Variants in MAFK observed in about 807,000 individuals in gnomAD.
MAFK encodes the protein transcription factor MafK.
Under a neutral mutation model 9.2 loss-of-function variants are expected in MAFK, and 1 was observed. That is an observed-to-expected ratio of 0.11 (90% CI 0.04 to 0.52). The LOEUF (loss-of-function observed/expected upper bound fraction) is 0.52. MAFK is among the 20% of genes least tolerant of loss of function. MAFK has a pLI of 0.94. For missense variants in MAFK, 207 were observed against 236.0 expected (o/e 0.88, Z 0.81); for synonymous variants, 110 against 107.4 (o/e 1.02, Z -0.15).
At chr7:1,539,277 G>A (rs563016706) in intron 2 of MAFK, 49 bp downstream of exon 2, 3 of 1,498,892 alleles carry the variant, frequency 2.0e-6, no homozygotes, top group Non-Finnish European at 2.8e-6. Flanking sequence ...GCGTGGGAAA[G>A]GCCCCCGGCC....
In MAFK at chr7:1,540,652, G is replaced by T. The variant is rs891717407; in HGVS notation, c.*277G>T. ...GTGTGGGAATTGGTATCTTGCACCC[G>T]TGGGAGTCGGGACATATAATGGAAA... On this transcript the variant is annotated 3_prime_UTR_variant, in exon 3 of 3. Coordinates refer to ENST00000343242, the MANE Select transcript of MAFK (RefSeq NM_002360.4). 2.2e-6 allele frequency: 1 copy of T among 460,516 alleles called. No individual in the cohort carries two copies. The highest frequency in any genetic ancestry group is 3.9e-6 in the Non-Finnish European group (1 of 259,020). 28.5% of individuals were successfully genotyped at this position (460,516 alleles called of 1,614,324 possible).
chr7:1,539,253 C>G lies in MAFK; in HGVS notation c.36+25C>G, dbSNP rs763501792. 5 of 1,597,874 alleles carry G rather than the reference C, an allele frequency of 3.1e-6. No individual in the cohort carries two copies. The African/African-American group carries it at 5.4e-5, about 17-fold the overall frequency. Reference sequence around the variant, plus strand: ...GGTAAGGCTGGTTCCAAGCAGGCCCCGTCTCAAGCACAGGCGTGGGAAAGG... The same window carrying G: ...GGTAAGGCTGGTTCCAAGCAGGCCCGGTCTCAAGCACAGGCGTGGGAAAGG... On this transcript the variant is annotated intron_variant, in intron 2 of 2. Transcript: ENST00000343242.
Position 1,539,969 on chromosome 7 carries a change from C to T in MAFK, c.65C>T (p.Pro22Leu), listed in dbSNP as rs886534216. ...KVKKEAGENA[P>L]VLSDDELVSM... ...AAGAAGGAGGCGGGCGAGAACGCCC[C>T]GGTGCTCAGCGATGATGAGCTGGTG... Residue 22 changes from proline to leucine, a missense_variant, in exon 3 of 3, where the codon CCG becomes CTG. By Grantham distance (98) the Pro-to-Leu change is moderately conservative. Transcript: ENST00000343242. The T allele has an allele frequency of 9.7e-6, 15 of 1,546,302 alleles. No individual in the cohort carries two copies. Among genetic ancestry groups the T allele is most frequent in the Admixed American group, 3.9e-5 (2 of 51,086 alleles).
intron 1 of MAFK, among the ~76,000 whole-genome samples, chr7:1,531,148 C>G (rs1482322810): frequency 1.3e-5 from 2 of 149,222 alleles, no homozygotes; most frequent in Non-Finnish European, 3.0e-5. Context: ...CACGTGCCGC[C>G]CGGGCCATGC....
chr7:1,533,504 T>A (rs1783954785), intron 1 of MAFK, among the ~76,000 whole-genome samples: 1 of 151,992 alleles, frequency 6.6e-6, no homozygotes. Flanking sequence ...TCTCTGCAGA[T>A]GGTGATCAGA....
chr7:1,531,187 AC>A (rs1167144665), intron 1 of MAFK, among the ~76,000 whole-genome samples: 1 of 146,828 alleles, frequency 6.8e-6, no homozygotes, highest in African/African-American at 2.5e-5. Flanking sequence ...CAGGGCGCGG[AC>A]CCCAGACCTG....
In MAFK at chr7:1,534,381, G is replaced by A. The variant is rs1783976429; in HGVS notation, c.-45+3483G>A. On this transcript the variant is annotated intron_variant, in intron 1 of 2. Coordinates refer to ENST00000343242, the MANE Select transcript of MAFK (RefSeq NM_002360.4). This position sits in a 1 kb window ranked among gnomAD's most constrained non-coding sequence, Gnocchi z 4.3. ...TTGCGGCCCAGTGTGGAGGGCACCCGGCTTGGGGTCTCTGGCAGAAAGGCT... is the reference window on the plus strand; with the variant it reads ...TTGCGGCCCAGTGTGGAGGGCACCCAGCTTGGGGTCTCTGGCAGAAAGGCT... The A allele has an allele frequency of 4.5e-6, 2 of 444,490 alleles. No homozygotes were observed. Among genetic ancestry groups the A allele is most frequent in the South Asian group, 1.6e-5 (1 of 64,318 alleles). 27.5% of individuals were successfully genotyped at this position (444,490 alleles called of 1,614,324 possible).
At chr7:1,537,290 C>A (rs1163928909) in intron 1 of MAFK, 2 of 796,016 alleles carry the variant, frequency 2.5e-6, no homozygotes, top group African/African-American at 3.7e-5. Context: ...CCCGGGGGCC[C>A]AGGAGCGGGT....
In MAFK at chr7:1,532,692, G is replaced by T. The variant is rs1022428303; in HGVS notation, c.-45+1794G>T. ...CGGGCCACTTCGCTGTCTACAAGGC[G>T]TGTGCTTTCACCCACGGGGCTCAGC... is the stretch of plus-strand genomic sequence containing the variant. On this transcript the variant is annotated intron_variant, in intron 1 of 2. Coordinates refer to ENST00000343242, the MANE Select transcript of MAFK (RefSeq NM_002360.4). The surrounding 1 kb of genome is among the most constrained non-coding windows in gnomAD (Gnocchi z 4.5). 2.0e-5 allele frequency among the ~76,000 whole-genome samples: 3 copies of T among 152,214 alleles called. No homozygotes were observed. Among genetic ancestry groups the T allele is most frequent in the African/African-American group, 7.2e-5 (3 of 41,442 alleles).
intron 1 of MAFK, among the ~76,000 whole-genome samples, chr7:1,531,435 G>A (rs955381607): frequency 2.6e-5 from 4 of 152,198 alleles, no homozygotes; most frequent in Admixed American, 2.0e-4. Flanking sequence ...GCGTGCCCGG[G>A]AACGGGGTGG....
At chr7:1,533,708 G>C (rs1036447645) in intron 1 of MAFK, among the ~76,000 whole-genome samples, 9 of 152,068 alleles carry the variant, frequency 5.9e-5, no homozygotes, top group African/African-American at 2.2e-4. Flanking sequence ...GGTGATGCTT[G>C]AGGGCTGGGA....
chr7:1,539,945 A>G lies in MAFK; in HGVS notation c.41A>G (p.Lys14Arg), dbSNP rs1215242463. The G allele has an allele frequency of 1.3e-6, 2 of 1,526,834 alleles. No homozygotes were observed. The highest frequency in any genetic ancestry group is 1.8e-6 in the Non-Finnish European group (2 of 1,132,268). The allele number at this position is 1,526,834 out of a possible 1,614,324, so 94.6% of individuals were successfully genotyped here. Residue 14 changes from lysine to arginine, a missense_variant, in exon 3 of 3, where the codon AAG becomes AGG. Lys to Arg is a conservative substitution (Grantham distance 26, BLOSUM62 2). Transcript: ENST00000343242. ...NPKPNKALKVKKEAGENAPVL... is the reference protein window; with the variant it reads ...NPKPNKALKVRKEAGENAPVL... ...CCCCGCACTGTGGCCCCCCAGGTCA[A>G]GAAGGAGGCGGGCGAGAACGCCCCG...
chr7:1,539,101 T>A, intron 1 of MAFK, 48 bp from the exon 2 acceptor site: 1 of 1,488,944 alleles, frequency 6.7e-7, no homozygotes, highest in Non-Finnish European at 9.3e-7. Context: ...TGTCCGGCGC[T>A]GCCGGCCCTG....
intron 2 of MAFK, among the ~76,000 whole-genome samples, chr7:1,539,602 G>A (rs1199255218): frequency 6.6e-6 from 1 of 152,224 alleles, no homozygotes; most frequent in African/African-American, 2.4e-5. Flanking sequence ...TGTGCCTGGC[G>A]CTTGCCGCCT....
rs1449204849 is a variant in MAFK at position 1,532,758 on chromosome 7, C to T, written c.-45+1860C>T. Among the ~76,000 whole-genome samples, 1 of 152,198 alleles carries T rather than the reference C, an allele frequency of 6.6e-6. No homozygotes were observed. The highest frequency in any genetic ancestry group is 1.5e-5 in the Non-Finnish European group (1 of 68,036). On this transcript the variant is annotated intron_variant, in intron 1 of 2. Coordinates refer to ENST00000343242, the MANE Select transcript of MAFK (RefSeq NM_002360.4). The surrounding 1 kb of genome is among the most constrained non-coding windows in gnomAD (Gnocchi z 4.5). ...TTACAGTCTCTGGCAAAGCTGTTTG[C>T]CACCCAGACGGAGAAGAAGTTGTGC... is the stretch of plus-strand genomic sequence containing the variant.
In MAFK at chr7:1,541,448, G is replaced by A. The variant is rs548186949; in HGVS notation, c.*1073G>A. On this transcript the variant is annotated 3_prime_UTR_variant, in exon 3 of 3. Coordinates refer to ENST00000343242, the MANE Select transcript of MAFK (RefSeq NM_002360.4). ...GACATGGATGTGGAGGTGGAAGGAGGAGGACGTTGCGTGGAGTGGTGGGAG... is the reference window on the plus strand; with the variant it reads ...GACATGGATGTGGAGGTGGAAGGAGAAGGACGTTGCGTGGAGTGGTGGGAG... The A allele has an allele frequency of 6.5e-6, 1 of 153,552 alleles. No individual in the cohort carries two copies. Among genetic ancestry groups the A allele is most frequent in the African/African-American group, 2.4e-5 (1 of 41,546 alleles). 9.5% of individuals were successfully genotyped at this position (153,552 alleles called of 1,614,324 possible).
intron 1 of MAFK, chr7:1,537,718 T>G (rs1784067982): frequency 1.1e-5 from 11 of 984,850 alleles, no homozygotes; most frequent in Non-Finnish European, 1.3e-5. Context: ...CCTCTTGTTG[T>G]GGGGGTTTGT....
chr7:1,537,562 C>T (rs774662886), intron 1 of MAFK: 37 of 985,516 alleles, frequency 3.8e-5, no homozygotes, highest in East Asian at 2.3e-4. Context: ...GGACGTGGTG[C>T]GAAGGAGCCT....
At position 1,540,399 on chromosome 7, in the gene MAFK, C is replaced by T. The variant is rs746216163; in HGVS notation, c.*24C>T. On this transcript the variant is annotated 3_prime_UTR_variant, in exon 3 of 3. Transcript: ENST00000343242. ...AGTGCCGGCCGGGGGCGGGGGGTGG[C>T]GGGCGGCGGGCGGCGGGCAGGCGGG... is the stretch of plus-strand genomic sequence containing the variant. 13 of 151,560 alleles carry T rather than the reference C, an allele frequency of 8.6e-5. No individual in the cohort carries two copies. Among genetic ancestry groups the T allele is most frequent in the Non-Finnish European group, 1.4e-4 (11 of 80,664 alleles). 9.4% of individuals were successfully genotyped at this position (151,560 alleles called of 1,614,324 possible).
Sources: allele counts gnomAD v4.1 joint callset (sites outside exome capture counted in the v4.1 genomes callset), GRCh38; gene constraint gnomAD v4.1.1; non-coding constraint Gnocchi (gnomAD v3.1); transcripts MANE v1.5; gene names NCBI Gene and HGNC (gene_info 2026-07-23, HGNC 2026-07-21).